RBM19: variants seen among roughly 807,000 people sequenced by gnomAD.
RBM19 encodes RNA binding motif protein 19, also known as probable RNA-binding protein 19.
Under a neutral mutation model 116.8 loss-of-function variants are expected in RBM19, and 94 were observed. That is an observed-to-expected ratio of 0.80 (90% CI 0.68 to 0.95). RBM19 has a LOEUF of 0.95. Among genes scored for constraint, RBM19 ranks in the 40% least tolerant of loss-of-function variants. The pLI is 0.00. For synonymous variants in RBM19, 475 were observed against 494.1 expected (o/e 0.96, Z 0.51); for missense variants, 1,161 against 1,220.7 (o/e 0.95, Z 0.73).
At chr12:113,844,633 C>A in intron 23 of RBM19, 35 bp downstream of exon 23, 1 of 1,586,980 alleles carries the variant, frequency 6.3e-7, no homozygotes, top group Non-Finnish European at 8.6e-7. Context: ...CCCAGGGGGC[C>A]CATGAGTCAG....
In RBM19 at chr12:113,873,689, TAA is replaced by T. The variant is rs146761765; in HGVS notation, c.2559-14795_2559-14794del. Among the ~76,000 whole-genome samples, 482 of 127,662 alleles carry T rather than the reference TAA, an allele frequency of 3.8e-3. 1 individual carries two copies. Among genetic ancestry groups the T allele is most frequent in the African/African-American group, 9.5e-3 (321 of 33,664 alleles). 83.8% of individuals were successfully genotyped at this position (127,662 alleles called of 152,430 possible). On this transcript the variant is annotated intron_variant, in intron 21 of 23. Coordinates refer to ENST00000261741, the MANE Select transcript of RBM19 (RefSeq NM_016196.4). ...AAGAATTATCAATAAAAAAATAAAT[TAA>T]AAAAAAAAAAAAAAAAGAAAAGGCA...
In RBM19 at chr12:113,903,348, C is replaced by T. The variant is rs1431636939; in HGVS notation, c.2558+11621G>A. ...TTTTCAAATCCACGTTATCAGTAGTCCATTCCTATTTATGGCCGAATAACA... is the reference window on the plus strand; with the variant it reads ...TTTTCAAATCCACGTTATCAGTAGTTCATTCCTATTTATGGCCGAATAACA... On this transcript the variant is annotated intron_variant, in intron 21 of 23. Coordinates refer to ENST00000261741, the MANE Select transcript of RBM19 (RefSeq NM_016196.4). The surrounding 1 kb of genome is among the most constrained non-coding windows in gnomAD (Gnocchi z 5.1). Among the ~76,000 whole-genome samples, 2 of 152,184 alleles carry T rather than the reference C, an allele frequency of 1.3e-5. No homozygotes were observed. The highest frequency in any genetic ancestry group is 4.8e-5 in the African/African-American group (2 of 41,430).
rs138017624 is a variant in RBM19, at chr12:113,844,787, C to T, written c.2666G>A (p.Arg889Lys). ...GCTGTGACACAGGGCGTTGAAGGCT[C>T]TCTGCAGAGGGACAAGAAACGAAAC... is the stretch of plus-strand genomic sequence containing the variant. ...VDFLTKQDAK[R>K]AFNALCHSTH... is the part of the protein sequence containing the mutation. Residue 889 changes from arginine (R) to lysine (K), a missense_variant and splice_region_variant, in exon 23 of 24, where the codon AGA becomes AAA. Coordinates refer to ENST00000261741, the MANE Select transcript of RBM19 (RefSeq NM_016196.4). 1.1e-5 allele frequency: 17 copies of T among 1,611,370 alleles called. No individual in the cohort carries two copies. The African/African-American group carries it at 1.9e-4, about 18-fold the overall frequency.
At chr12:113,839,913 G>C (rs1480172748) in intron 23 of RBM19, among the ~76,000 whole-genome samples, 2 of 152,104 alleles carry the variant, frequency 1.3e-5, no homozygotes, top group East Asian at 3.9e-4. Context: ...TTTTTCCTAA[G>C]CTGGTGGTTC....
At position 113,825,222 on chromosome 12, in the gene RBM19, A is replaced by G. The variant is rs1239789022; in HGVS notation, c.2786-1901T>C. On this transcript the variant is annotated intron_variant, in intron 23 of 23. Transcript: ENST00000261741. This position sits in a 1 kb window ranked among gnomAD's most constrained non-coding sequence, Gnocchi z 5.7. ...AGAGAGAGACGGCAGAGCCTGCCCC[A>G]TGGTGAGCGTGCAGAAGGTGCGGGA... Among the ~76,000 whole-genome samples, 1 of 152,066 alleles carries G rather than the reference A, an allele frequency of 6.6e-6. No individual in the cohort carries two copies. Among genetic ancestry groups the G allele is most frequent in the Non-Finnish European group, 1.5e-5 (1 of 67,996 alleles).
At chr12:113,927,276 T>G in intron 16 of RBM19, 47 bp from the exon 17 acceptor site, 1 of 1,529,110 alleles carries the variant, frequency 6.5e-7, no homozygotes, top group Non-Finnish European at 8.8e-7. Flanking sequence ...ATCAAATCCA[T>G]GAAATAATGT....
intron 15 of RBM19, 75 bp downstream of exon 15, chr12:113,939,885 C>A (rs1870403514): frequency 2.7e-6 from 4 of 1,492,972 alleles, no homozygotes; most frequent in East Asian, 2.3e-5. Flanking sequence ...AATCCATAGC[C>A]CACTGCACCC....
Position 113,940,044 on chromosome 12 carries a change from C to A in RBM19, c.1854G>T (p.Leu618=), listed in dbSNP as rs139718243. Residue 618 remains leucine, a synonymous_variant, in exon 15 of 24, where the codon CTG becomes CTT. Transcript: ENST00000261741. ...CGATGGCAGTGATTCCGCCCTCTGG[C>A]AGCAGCACGCGGCCCAGGCTGCCAA... The part of the protein sequence containing the change: ...GHFGSLGRVL[L]PEGGITAIVE... 4 of 1,614,002 alleles carry A rather than the reference C, an allele frequency of 2.5e-6. No individual in the cohort carries two copies. In the African/African-American group the frequency reaches 5.3e-5, roughly 22 times the overall value.
Position 113,823,129 on chromosome 12 carries a change from C to T in RBM19, c.*95G>A. On this transcript the variant is annotated 3_prime_UTR_variant, in exon 24 of 24. Transcript: ENST00000261741. ...GGGTGGGGCCGCCTGCCGCTCCCCG[C>T]CCCGCCCCCCAGCCCACATGGTGGT... 8.2e-7 allele frequency: 1 copy of T among 1,214,026 alleles called. No individual in the cohort carries two copies. The highest frequency in any genetic ancestry group is 1.3e-5 in the South Asian group (1 of 74,172). The allele number at this position is 1,214,026 out of a possible 1,614,324, so 75.2% of individuals were successfully genotyped here.
intron 23 of RBM19, among the ~76,000 whole-genome samples, chr12:113,831,025 G>A (rs1875366535): frequency 6.6e-6 from 1 of 152,178 alleles, no homozygotes; most frequent in Non-Finnish European, 1.5e-5. Flanking sequence ...TGTGCGTAAG[G>A]GGAAGCCCAG....
intron 23 of RBM19, among the ~76,000 whole-genome samples, chr12:113,831,608 C>G (rs1875417588): frequency 6.6e-6 from 1 of 152,204 alleles, no homozygotes; most frequent in African/African-American, 2.4e-5. Context: ...AGCTGGCTTC[C>G]CCGTTAGCCC....
At chr12:113,953,209 C>T (rs1403506163) in intron 7 of RBM19, among the ~76,000 whole-genome samples, 1 of 152,228 alleles carries the variant, frequency 6.6e-6, no homozygotes, top group Non-Finnish European at 1.5e-5. Flanking sequence ...GATATATTGG[C>T]CAGGTGCGGT....
chr12:113,949,292 C>T lies in RBM19; in HGVS notation c.1073-256G>A, dbSNP rs935582005. Among the ~76,000 whole-genome samples the T allele has an allele frequency of 2.6e-5, 4 of 152,310 alleles. No individual in the cohort carries two copies. In the East Asian group the frequency reaches 7.7e-4, roughly 29 times the overall value. The stretch of plus-strand genomic sequence containing the variant: ...AGCCTGCCTGAGTTATCCCAGACCA[C>T]GGTGATGCATTCTCTAAACTCCGGG... On this transcript the variant is annotated intron_variant, in intron 9 of 23. Coordinates refer to ENST00000261741, the MANE Select transcript of RBM19 (RefSeq NM_016196.4).
chr12:113,894,853 G>A (rs1168529914), intron 21 of RBM19, among the ~76,000 whole-genome samples: 3 of 152,212 alleles, frequency 2.0e-5, no homozygotes, highest in Admixed American at 2.0e-4. Context: ...CTTGTGCGAC[G>A]ACACTAAGGC....
intron 9 of RBM19, 40 bp downstream of exon 9, chr12:113,950,043 G>A (rs374094102): frequency 5.0e-5 from 76 of 1,505,582 alleles, no homozygotes; most frequent in South Asian, 3.8e-4. Flanking sequence ...ACGAAGGAAC[G>A]CTGTAACACA....
intron 21 of RBM19, among the ~76,000 whole-genome samples, chr12:113,879,458 T>C (rs1396709190): frequency 6.7e-6 from 1 of 149,760 alleles, no homozygotes; most frequent in Non-Finnish European, 1.5e-5. Context: ...TATGGACTTT[T>C]CTTTTTTTAA....
intron 21 of RBM19, among the ~76,000 whole-genome samples, chr12:113,890,856 C>G (rs1402899002): frequency 6.6e-6 from 1 of 152,226 alleles, no homozygotes; most frequent in Non-Finnish European, 1.5e-5. Flanking sequence ...GGCGCGATCA[C>G]AGCTCACTGT....
In RBM19 at chr12:113,918,415, C is replaced by T. The variant is rs988871508; in HGVS notation, c.2418G>A (p.Val806=). The T allele has an allele frequency of 1.3e-5, 21 of 1,614,132 alleles. No individual in the cohort carries two copies. Among genetic ancestry groups the T allele is most frequent in the African/African-American group, 9.3e-5 (7 of 74,952 alleles). The change falls in exon 20 of 24, where the codon GTG becomes GTA. Residue 806 remains valine, a synonymous_variant. Transcript: ENST00000261741. ...ACTTAGTGGCTCGTTCCGAGATCCTCACTTCCAGCTTGTGGCCGTCCACGA... is the reference window on the plus strand; with the variant it reads ...ACTTAGTGGCTCGTTCCGAGATCCTTACTTCCAGCTTGTGGCCGTCCACGA... ...GHVVDGHKLE[V]RISERATKPA...
Position 113,960,191 on chromosome 12 carries a change from G to C in RBM19, c.220-13C>G. ...TGCAGAACTCCACCTGTGTGGGAAA[G>C]AGAGTGATTTTCACACCTGCCATGG... On this transcript the variant is annotated splice_polypyrimidine_tract_variant and intron_variant, in intron 2 of 23. Transcript: ENST00000261741. 1 of 1,612,904 alleles carries C rather than the reference G, an allele frequency of 6.2e-7. No individual in the cohort carries two copies. The highest frequency in any genetic ancestry group is 2.0e-4 in the Middle Eastern group (1 of 5,106).
Sources: gnomAD v4.1 joint callset for allele counts (sites outside exome capture counted in the v4.1 genomes callset) on GRCh38, gnomAD v4.1.1 for gene constraint, Gnocchi (gnomAD v3.1) non-coding constraint, MANE v1.5 for transcripts, NCBI Gene and HGNC (gene_info 2026-07-23, HGNC 2026-07-21) for gene names.